Variants in MACROD2 observed in about 807,000 individuals in gnomAD.
The protein encoded by MACROD2 is mono-ADP ribosylhydrolase 2.
MACROD2 carries 36 observed loss-of-function variants against 70.4 expected under a neutral mutation model. The observed-to-expected ratio is 0.51, with a 90% CI of 0.39 to 0.68. The LOEUF (loss-of-function observed/expected upper bound fraction) is 0.68, where lower values mean the gene tolerates loss of function less well. Among genes scored for constraint, MACROD2 ranks in the 30% least tolerant of loss-of-function variants. The pLI, the probability that MACROD2 is intolerant of heterozygous loss-of-function variation, is 0.00. For synonymous variants in MACROD2, 172 were observed against 178.8 expected (o/e 0.96, Z 0.30); for missense variants, 496 against 538.4 (o/e 0.92, Z 0.78).
At chr20:14,542,979 T>G (rs1004628701) in intron 4 of MACROD2, among the ~76,000 whole-genome samples, 2 of 152,220 alleles carry the variant, frequency 1.3e-5, no homozygotes, top group African/African-American at 4.8e-5. Flanking sequence ...GCTGTAGGTT[T>G]AATTTTAAAA....
rs896485487 is a variant in MACROD2, at chr20:14,404,497, C to T, written c.272-88982C>T. On this transcript the variant is annotated intron_variant, in intron 3 of 17. Coordinates refer to ENST00000684519, the MANE Select transcript of MACROD2 (RefSeq NM_001351661.2). ...CCAAAAGTAGCTGGGCATGCTGACA[C>T]GGGTGCCTGTAGTCCCAGCTACCCA... is the stretch of plus-strand genomic sequence containing the variant. Among the ~76,000 whole-genome samples the T allele has an allele frequency of 3.5e-4, 53 of 152,018 alleles. 1 individual carries two copies. The highest frequency in any genetic ancestry group is 3.4e-3 in the Middle Eastern group (1 of 292).
chr20:14,880,935 CT>C (rs1185399759), intron 5 of MACROD2, among the ~76,000 whole-genome samples: 3 of 152,112 alleles, frequency 2.0e-5, no homozygotes, highest in African/African-American at 7.2e-5. Flanking sequence ...CACAGTGCCC[CT>C]ATCCCTGCCT....
intron 8 of MACROD2, among the ~76,000 whole-genome samples, chr20:15,528,954 G>A (rs1329624241): frequency 1.3e-5 from 2 of 152,100 alleles, no homozygotes; most frequent in Non-Finnish European, 2.9e-5. Context: ...TTTGGGTAAT[G>A]TATTAGATAG....
chr20:15,589,250 C>T (rs955768929), intron 8 of MACROD2, among the ~76,000 whole-genome samples: 2 of 152,122 alleles, frequency 1.3e-5, no homozygotes, highest in African/African-American at 2.4e-5. Context: ...ATTACCTACT[C>T]CTGGGTCCCT....
chr20:14,207,463 A>C (rs1209233776), intron 3 of MACROD2, among the ~76,000 whole-genome samples: 1 of 152,106 alleles, frequency 6.6e-6, no homozygotes, highest in Non-Finnish European at 1.5e-5. Flanking sequence ...AATACAAATA[A>C]ATTTTGTTGT....
intron 5 of MACROD2, among the ~76,000 whole-genome samples, chr20:14,810,108 T>C (rs1427677638): frequency 6.6e-6 from 1 of 152,224 alleles, no homozygotes; most frequent in African/African-American, 2.4e-5. Flanking sequence ...ATCATCCTGA[T>C]ACCAAAACCT....
At chr20:14,772,003 C>CA (rs1252861294) in intron 5 of MACROD2, among the ~76,000 whole-genome samples, 2 of 151,886 alleles carry the variant, frequency 1.3e-5, no homozygotes, top group African/African-American at 4.8e-5. Flanking sequence ...TGTCAAAGTT[C>CA]AAAAAGCAGG....
intron 6 of MACROD2, among the ~76,000 whole-genome samples, chr20:15,364,310 G>T (rs1405797778): frequency 6.6e-6 from 1 of 152,252 alleles, no homozygotes; most frequent in East Asian, 1.9e-4. Flanking sequence ...TGTGTGTATT[G>T]GCCATCTGTC....
At chr20:14,518,635 C>T (rs1272699567) in intron 4 of MACROD2, among the ~76,000 whole-genome samples, 1 of 152,054 alleles carries the variant, frequency 6.6e-6, no homozygotes, top group Non-Finnish European at 1.5e-5. Context: ...TCATTTTTCT[C>T]TTCTTATTTG....
rs139540052 is a variant in MACROD2, at chr20:14,321,103, G to A, written c.272-172376G>A. ...AAGCCAGCTGGGTGTGGTGGCTCACGCTTGTAATCCCAGCACTTTGGGAGG... is the reference window on the plus strand; with the variant it reads ...AAGCCAGCTGGGTGTGGTGGCTCACACTTGTAATCCCAGCACTTTGGGAGG... On this transcript the variant is annotated intron_variant, in intron 3 of 17. Transcript: ENST00000684519. 8.6e-3 allele frequency among the ~76,000 whole-genome samples: 1,310 copies of A among 152,188 alleles called. 6 individuals are homozygous for A. Among genetic ancestry groups the A allele is most frequent in the Middle Eastern group, 0.02 (6 of 294 alleles).
chr20:15,038,914 G>C lies in MACROD2; in HGVS notation c.419-191026G>C, dbSNP rs76101876. Among the ~76,000 whole-genome samples the C allele has an allele frequency of 7.8e-3, 1,190 of 152,284 alleles. 17 individuals carry two copies. The highest frequency in any genetic ancestry group is 0.027 in the African/African-American group (1,109 of 41,538). On this transcript the variant is annotated intron_variant, in intron 5 of 17. Coordinates refer to ENST00000684519, the MANE Select transcript of MACROD2 (RefSeq NM_001351661.2). ...TTAGTCACACAAATATACCGGCAAA[G>C]AATGTCAAGTGTTAATCAAATAGGT...
chr20:15,029,997 C>T (rs931731863), intron 5 of MACROD2, among the ~76,000 whole-genome samples: 4 of 148,394 alleles, frequency 2.7e-5, no homozygotes, highest in South Asian at 2.1e-4. Flanking sequence ...GGCTGAGGCA[C>T]GAGAGTTGCT....
At chr20:14,951,624 T>C (rs1316473898) in intron 5 of MACROD2, among the ~76,000 whole-genome samples, 1 of 152,160 alleles carries the variant, frequency 6.6e-6, no homozygotes, top group African/African-American at 2.4e-5. Context: ...CCCCAGAGAC[T>C]GGACAAAATG....
intron 8 of MACROD2, among the ~76,000 whole-genome samples, chr20:15,500,472 A>G (rs558185273): frequency 1.3e-5 from 2 of 152,324 alleles, no homozygotes; most frequent in East Asian, 3.9e-4. Flanking sequence ...CAGCAAAATA[A>G]CTAGAGACCG....
chr20:14,999,383 G>A (rs574984981), intron 5 of MACROD2, among the ~76,000 whole-genome samples: 10 of 152,308 alleles, frequency 6.6e-5, no homozygotes, highest in African/African-American at 2.4e-4. Context: ...TATAGGCCAG[G>A]TGCCATGACT....
chr20:15,834,195 C>T (rs1024246919), intron 8 of MACROD2, among the ~76,000 whole-genome samples: 1 of 152,100 alleles, frequency 6.6e-6, no homozygotes, highest in African/African-American at 2.4e-5. Context: ...CAAAAATTAG[C>T]TGGGTGTGGT....
At chr20:14,771,515 TTC>T (rs2072164996) in intron 5 of MACROD2, among the ~76,000 whole-genome samples, 1 of 151,960 alleles carries the variant, frequency 6.6e-6, no homozygotes, top group Non-Finnish European at 1.5e-5. Flanking sequence ...TTGTATTTTT[TTC>T]TCTTTTTGTT....
chr20:14,931,345 C>G (rs2074294139), intron 5 of MACROD2, among the ~76,000 whole-genome samples: 1 of 152,138 alleles, frequency 6.6e-6, no homozygotes, highest in Admixed American at 6.5e-5. Flanking sequence ...GTTCACTTAG[C>G]AATCTTCACC....
At chr20:14,742,428 T>C (rs1466330522) in intron 5 of MACROD2, among the ~76,000 whole-genome samples, 1 of 133,136 alleles carries the variant, frequency 7.5e-6, no homozygotes, top group Admixed American at 8.0e-5. Context: ...AATAGATATA[T>C]AATAAAGGTC....
Sources: gnomAD v4.1 joint callset for allele counts (sites outside exome capture counted in the v4.1 genomes callset) on GRCh38, gnomAD v4.1.1 for gene constraint, MANE v1.5 for transcripts, NCBI Gene and HGNC (gene_info 2026-07-23, HGNC 2026-07-21) for gene names.